Variants in RAP1GAP2 observed in about 807,000 individuals in gnomAD.
The protein encoded by RAP1GAP2 is rap1 GTPase-activating protein 2.
In RAP1GAP2, 27 loss-of-function variants were observed where a neutral mutation model predicts 95.0. The observed-to-expected ratio is 0.28, with a 90% CI of 0.21 to 0.39. The LOEUF (loss-of-function observed/expected upper bound fraction) is 0.39, where lower values mean the gene tolerates loss of function less well. RAP1GAP2 is among the 10% of genes least tolerant of loss of function. RAP1GAP2 has a pLI of 1.00. For missense variants in RAP1GAP2, 771 were observed against 970.0 expected, an observed-to-expected ratio of 0.79 and a Z score of 2.72; for synonymous variants, 373 against 380.9, an observed-to-expected ratio of 0.98 and a Z score of 0.24.
intron 2 of RAP1GAP2, among the ~76,000 whole-genome samples, chr17:2,822,983 C>T (rs1285682197): frequency 6.6e-6 from 1 of 152,028 alleles, no homozygotes; most frequent in Non-Finnish European, 1.5e-5. Context: ...TGTGGTGGTG[C>T]GCATCTGTAA....
chr17:2,874,599 G>A (rs1056145945), intron 2 of RAP1GAP2, among the ~76,000 whole-genome samples: 7 of 152,288 alleles, frequency 4.6e-5, no homozygotes, highest in Admixed American at 1.3e-4. Context: ...GAAAGGACCC[G>A]ATCAAGGTCA....
chr17:2,907,434 GAGCTTGTCGTCT>G, intron 3 of RAP1GAP2, among the ~76,000 whole-genome samples: 1 of 152,286 alleles, frequency 6.6e-6, no homozygotes, highest in Middle Eastern at 3.4e-3. Context: ...TGCTCTCCTA[GAGCTTGTCGTCT>G]AGCTAGGGAG....
intron 3 of RAP1GAP2, among the ~76,000 whole-genome samples, chr17:2,930,625 G>C (rs971833500): frequency 2.6e-5 from 4 of 152,222 alleles, no homozygotes; most frequent in African/African-American, 9.6e-5. Flanking sequence ...CACACGCACA[G>C]AGGCATCGCT....
rs2073816496 is a variant in RAP1GAP2, at chr17:2,894,300, G to C, written c.81-10984G>C. Among the ~76,000 whole-genome samples, 8 of 152,274 alleles carry C rather than the reference G, an allele frequency of 5.3e-5. No homozygotes were observed. In the South Asian group the frequency reaches 1.7e-3, roughly 32 times the overall value. Reference sequence around the variant, plus strand: ...CAAAACTTAGCCAGGCATGGTGGTAGGCACCTGTAGTCCCAGCTACTTGGG... The same window carrying C: ...CAAAACTTAGCCAGGCATGGTGGTACGCACCTGTAGTCCCAGCTACTTGGG... On this transcript the variant is annotated intron_variant, in intron 2 of 24. Transcript: ENST00000254695.
chr17:2,840,363 A>C (rs2071320643), intron 2 of RAP1GAP2, among the ~76,000 whole-genome samples: 1 of 151,694 alleles, frequency 6.6e-6, no homozygotes, highest in South Asian at 2.1e-4. Context: ...GGGTTTCACC[A>C]CATTGGCCAG....
upstream of RAP1GAP2, among the ~76,000 whole-genome samples, chr17:2,772,306 T>C (rs2068412797): frequency 6.6e-6 from 1 of 152,100 alleles, no homozygotes; most frequent in South Asian, 2.1e-4. Context: ...TTTAATGTAT[T>C]TTGAGACAGG....
intron 2 of RAP1GAP2, among the ~76,000 whole-genome samples, chr17:2,869,761 G>C (rs1222634219): frequency 6.6e-6 from 1 of 152,232 alleles, no homozygotes; most frequent in African/African-American, 2.4e-5. Context: ...CCTTCTGCGA[G>C]CTCCCTTCTC....
chr17:3,025,135 G>A (rs997593278), intron 19 of RAP1GAP2, among the ~76,000 whole-genome samples: 3 of 152,184 alleles, frequency 2.0e-5, no homozygotes, highest in Non-Finnish European at 2.9e-5. Flanking sequence ...TCAGCACTCT[G>A]GGAGCCCGAT....
chr17:2,973,846 A>T (rs2044979454), intron 8 of RAP1GAP2, among the ~76,000 whole-genome samples: 1 of 152,242 alleles, frequency 6.6e-6, no homozygotes, highest in South Asian at 2.1e-4. Context: ...AAAGTGATTT[A>T]AAAACAAAAC....
rs1318989466 is a variant in RAP1GAP2 at position 2,867,570 on chromosome 17, A to C, written c.81-37714A>C. On this transcript the variant is annotated intron_variant, in intron 2 of 24. Coordinates refer to ENST00000254695, the MANE Select transcript of RAP1GAP2 (RefSeq NM_015085.5). The surrounding 1 kb of genome is among the most constrained non-coding windows in gnomAD (Gnocchi z 4.5). Reference sequence around the variant, plus strand: ...GATGGCTCACCCTGGACAGAAAGTGAGTCACATACGCATCCCTGAACTTTG... The same window carrying C: ...GATGGCTCACCCTGGACAGAAAGTGCGTCACATACGCATCCCTGAACTTTG... Among the ~76,000 whole-genome samples, 1 of 152,172 alleles carries C rather than the reference A, an allele frequency of 6.6e-6. No homozygotes were observed. The highest frequency in any genetic ancestry group is 2.4e-5 in the African/African-American group (1 of 41,452).
chr17:3,001,538 G>A (rs532417488), intron 14 of RAP1GAP2, among the ~76,000 whole-genome samples: 2 of 113,336 alleles, frequency 1.8e-5, no homozygotes, highest in East Asian at 5.1e-4. Flanking sequence ...GACAGAAGAA[G>A]CAGGGAGTGC....
At chr17:2,815,434 G>T (rs191568026) in intron 2 of RAP1GAP2, among the ~76,000 whole-genome samples, 4 of 150,584 alleles carry the variant, frequency 2.7e-5, no homozygotes, top group Non-Finnish European at 5.9e-5. Flanking sequence ...CTCAACACAT[G>T]TAACCTGCCT....
At position 2,903,329 on chromosome 17, in the gene RAP1GAP2, C is replaced by T. The variant is rs1433697005; in HGVS notation, c.81-1955C>T. ...TTGGGAGAGGGCCAGGTGGAGGAGGCGGTGAGCCTGTGCTGGACCCAGCTC... is the reference window on the plus strand; with the variant it reads ...TTGGGAGAGGGCCAGGTGGAGGAGGTGGTGAGCCTGTGCTGGACCCAGCTC... On this transcript the variant is annotated intron_variant, in intron 2 of 24. Transcript: ENST00000254695. This position sits in a 1 kb window ranked among gnomAD's most constrained non-coding sequence, Gnocchi z 4.1. Among the ~76,000 whole-genome samples, 3 of 152,128 alleles carry T rather than the reference C, an allele frequency of 2.0e-5. No homozygotes were observed. The highest frequency in any genetic ancestry group is 4.4e-5 in the Non-Finnish European group (3 of 68,016).
chr17:3,013,366 T>G (rs1192461772), intron 17 of RAP1GAP2, among the ~76,000 whole-genome samples: 1 of 152,148 alleles, frequency 6.6e-6, no homozygotes, highest in African/African-American at 2.4e-5. Context: ...GCCCCGCTGT[T>G]TTGGGGGTCC....
chr17:2,941,410 A>G (rs928972820), intron 3 of RAP1GAP2, among the ~76,000 whole-genome samples: 6 of 152,046 alleles, frequency 3.9e-5, no homozygotes, highest in Non-Finnish European at 1.5e-5. Context: ...TCCATCTAAA[A>G]CATAAATTAA....
chr17:3,032,295 C>T (rs2047346935), intron 23 of RAP1GAP2, 116 bp from the exon 24 acceptor site: 1 of 1,161,658 alleles, frequency 8.6e-7, no homozygotes, highest in Admixed American at 1.9e-5. Context: ...TTCCTGGGGT[C>T]CTGAATCCCT....
At chr17:2,757,697 A>C (rs2071171812) in intron 1 of RAP1GAP2, among the ~76,000 whole-genome samples, 1 of 152,028 alleles carries the variant, frequency 6.6e-6, no homozygotes, top group African/African-American at 2.4e-5. Flanking sequence ...GGTATAAAGA[A>C]AGTAGGACCA....
At chr17:2,837,633 G>A (rs886794432) in intron 2 of RAP1GAP2, among the ~76,000 whole-genome samples, 2 of 137,950 alleles carry the variant, frequency 1.4e-5, no homozygotes, top group African/African-American at 2.8e-5. Flanking sequence ...TTGAGATGGA[G>A]TCTCACTCAG....
chr17:2,949,356 C>G (rs1301959308), intron 3 of RAP1GAP2, among the ~76,000 whole-genome samples: 1 of 152,200 alleles, frequency 6.6e-6, no homozygotes, highest in East Asian at 1.9e-4. Context: ...GGAGGCTGTC[C>G]CGGGCAGGAC....
Sources: gnomAD v4.1 joint callset for allele counts (sites outside exome capture counted in the v4.1 genomes callset) on GRCh38, gnomAD v4.1.1 for gene constraint, Gnocchi (gnomAD v3.1) non-coding constraint, MANE v1.5 for transcripts, NCBI Gene and HGNC (gene_info 2026-07-23, HGNC 2026-07-21) for gene names.